KLF8: variants seen among roughly 807,000 people sequenced by gnomAD.
KLF8 encodes KLF transcription factor 8, also known as Krueppel-like factor 8.
In KLF8, 10 loss-of-function variants were observed where a neutral mutation model predicts 18.2. The ratio of observed to expected loss-of-function variants is 0.55; its 90% CI spans 0.34 to 0.93. The LOEUF is 0.93. KLF8 is among the 40% of genes least tolerant of loss of function. KLF8 has a pLI of 0.02. For missense variants in KLF8, 264 were observed against 277.9 expected (o/e 0.95, Z 0.36); for synonymous variants, 109 against 97.3 (o/e 1.12, Z -0.71).
At chrX:56,177,053 C>T in the KLF8 span, among the ~76,000 whole-genome samples, 1 of 110,870 alleles carries the variant, frequency 9.0e-6, no homozygotes, top group Non-Finnish European at 1.9e-5. Flanking sequence ...TTAGAACTTC[C>T]TCTTTAGCTC....
chrX:56,093,369 A>G, the KLF8 span, among the ~76,000 whole-genome samples: 2 of 111,549 alleles, frequency 1.8e-5, no homozygotes, highest in Non-Finnish European at 3.8e-5. Context: ...ATTTCTCTTC[A>G]TAAGTCATGC....
the KLF8 span, among the ~76,000 whole-genome samples, chrX:56,120,746 C>T: frequency 9.0e-6 from 1 of 111,556 alleles, no homozygotes; most frequent in African/African-American, 3.3e-5. Flanking sequence ...ACCTCCTCCC[C>T]TTTGAGGCTC....
the KLF8 span, among the ~76,000 whole-genome samples, chrX:56,173,096 G>C: frequency 1.8e-5 from 2 of 111,342 alleles, no homozygotes; most frequent in Non-Finnish European, 1.9e-5. Context: ...AGAAGCTCTT[G>C]AGTTTAATTA....
At chrX:55,989,835 G>C in the KLF8 span, among the ~76,000 whole-genome samples, 1 of 111,166 alleles carries the variant, frequency 9.0e-6, no homozygotes, top group African/African-American at 3.3e-5. Flanking sequence ...TCTGGTCCTG[G>C]ACTCTTTTTG....
the KLF8 span, among the ~76,000 whole-genome samples, chrX:55,932,395 A>G: frequency 9.0e-6 from 1 of 110,837 alleles, no homozygotes; most frequent in Non-Finnish European, 1.9e-5. Flanking sequence ...TTATGTGTAA[A>G]TTTGATTCTG....
chrX:55,946,832 G>C, the KLF8 span, among the ~76,000 whole-genome samples: 3 of 111,535 alleles, frequency 2.7e-5, no homozygotes, highest in Middle Eastern at 4.6e-3. Context: ...CAAAGGACAT[G>C]AACAGACACT....
the KLF8 span, among the ~76,000 whole-genome samples, chrX:56,180,411 A>G: frequency 9.4e-6 from 1 of 106,184 alleles, no homozygotes; most frequent in Non-Finnish European, 2.0e-5. Context: ...TTTTCCAAAA[A>G]CCCTCTGGAT....
chrX:56,094,368 A>G, the KLF8 span, among the ~76,000 whole-genome samples: 139 of 111,480 alleles, frequency 1.2e-3, no homozygotes, highest in African/African-American at 4.4e-3. Flanking sequence ...AGTTATCAAG[A>G]CATGCATTAT....
the KLF8 span, among the ~76,000 whole-genome samples, chrX:55,913,680 C>T: frequency 8.9e-6 from 1 of 111,769 alleles, no homozygotes; most frequent in Non-Finnish European, 1.9e-5. Flanking sequence ...AAATTTCCAT[C>T]GTTTAAACGA....
the KLF8 span, among the ~76,000 whole-genome samples, chrX:56,114,274 A>G: frequency 8.9e-6 from 1 of 112,291 alleles, no homozygotes; most frequent in Non-Finnish European, 1.9e-5. Flanking sequence ...CCCCCCAGGA[A>G]GTCGGTCATC....
At chrX:56,079,109 A>G in the KLF8 span, among the ~76,000 whole-genome samples, 1 of 110,877 alleles carries the variant, frequency 9.0e-6, no homozygotes, top group Non-Finnish European at 1.9e-5. Flanking sequence ...GGACTCATTA[A>G]TTTTTTGAAG....
chrX:55,937,868 A>G, the KLF8 span, among the ~76,000 whole-genome samples: 7 of 112,059 alleles, frequency 6.2e-5, no homozygotes, highest in African/African-American at 1.6e-4. Flanking sequence ...CAAATATGGG[A>G]CTATGGGAAA....
chrX:56,050,339 A>G, the KLF8 span, among the ~76,000 whole-genome samples: 1 of 111,022 alleles, frequency 9.0e-6, no homozygotes, highest in Non-Finnish European at 1.9e-5. Context: ...TTGCTTTTCT[A>G]GTTCTTTTAA....
chrX:56,074,108 A>G, the KLF8 span, among the ~76,000 whole-genome samples: 1 of 111,726 alleles, frequency 9.0e-6, no homozygotes, highest in Non-Finnish European at 1.9e-5. Flanking sequence ...TTGGAAAAAA[A>G]TCTTCTCAAG....
At chrX:56,180,559 T>A in the KLF8 span, among the ~76,000 whole-genome samples, 1 of 111,600 alleles carries the variant, frequency 9.0e-6, no homozygotes, top group Non-Finnish European at 1.9e-5. Context: ...GATGTTAGGC[T>A]GTCAATTTTG....
the KLF8 span, among the ~76,000 whole-genome samples, chrX:56,086,537 A>G: frequency 9.0e-6 from 1 of 111,310 alleles, no homozygotes; most frequent in African/African-American, 3.3e-5. Flanking sequence ...TGGAAATAAG[A>G]TCTAGTAAGC....
the KLF8 span, among the ~76,000 whole-genome samples, chrX:56,073,904 C>T: frequency 9.0e-6 from 1 of 111,447 alleles, no homozygotes; most frequent in African/African-American, 3.3e-5. Flanking sequence ...CGCCACTATG[C>T]CCAGCTAATA....
chrX:55,940,434 A>C, the KLF8 span, among the ~76,000 whole-genome samples: 13 of 111,776 alleles, frequency 1.2e-4, no homozygotes, highest in Non-Finnish European at 2.1e-4. Flanking sequence ...TTGAATGGAC[A>C]AAAACTGGAA....
chrX:56,177,268 A>T, the KLF8 span, among the ~76,000 whole-genome samples: 1 of 110,980 alleles, frequency 9.0e-6, no homozygotes, highest in African/African-American at 3.3e-5. Context: ...GGTGACTTAC[A>T]GATGGGGTTT....
Sources: allele counts gnomAD v4.1 joint callset (sites outside exome capture counted in the v4.1 genomes callset), GRCh38; gene constraint gnomAD v4.1.1; transcripts MANE v1.5; gene names NCBI Gene and HGNC (gene_info 2026-07-23, HGNC 2026-07-21).